Variants in NCLN observed in about 807,000 individuals in gnomAD.
The protein encoded by NCLN is nicalin, also known as BOS complex subunit NCLN.
In NCLN, 34 loss-of-function variants were observed where a neutral mutation model predicts 69.5. The ratio of observed to expected loss-of-function variants is 0.49; its 90% confidence interval spans 0.37 to 0.65. NCLN has a LOEUF of 0.65. Among genes scored for constraint, NCLN ranks in the 30% least tolerant of loss-of-function variants. The pLI is 0.00. For synonymous variants in NCLN, 393 were observed against 358.3 expected, an observed-to-expected ratio of 1.10 and a Z score of -1.09; for missense variants, 710 against 804.8, an observed-to-expected ratio of 0.88 and a Z score of 1.42.
In NCLN at chr19:3,207,182, A is replaced by T; in HGVS notation, c.1500-16A>T. 1 of 1,613,456 alleles carries T rather than the reference A, an allele frequency of 6.2e-7. No homozygotes were observed. Among genetic ancestry groups the T allele is most frequent in the Middle Eastern group, 1.6e-4 (1 of 6,062 alleles). On this transcript the variant is annotated splice_polypyrimidine_tract_variant and intron_variant, in intron 12 of 14. Transcript: ENST00000246117. The stretch of plus-strand genomic sequence containing the variant: ...TGGGCGCAGTGGTGCCCCCTGAGAA[A>T]GTGCTCTCTCCCCAGGGACCCAGAG...
intron 1 of NCLN, among the ~76,000 whole-genome samples, chr19:3,191,866 G>T (rs956954277): frequency 7.0e-6 from 1 of 143,830 alleles, no homozygotes; most frequent in Non-Finnish European, 1.5e-5. Flanking sequence ...GGGAAGTGTG[G>T]GTTTCTCCCA....
At chr19:3,200,599 C>T (rs1035448131) in intron 5 of NCLN, among the ~76,000 whole-genome samples, 1 of 152,208 alleles carries the variant, frequency 6.6e-6, no homozygotes, top group African/African-American at 2.4e-5. Flanking sequence ...CGTGAGCCAC[C>T]GAGCCCAGGC....
At chr19:3,194,596 GTT>G (rs1915910014) in intron 3 of NCLN, among the ~76,000 whole-genome samples, 2 of 152,230 alleles carry the variant, frequency 1.3e-5, no homozygotes, top group East Asian at 1.9e-4. Context: ...AGCCGAAAGT[GTT>G]ATCTGATCCT....
Position 3,193,358 on chromosome 19 carries a change from G to A in NCLN, c.450G>A (p.Glu150=), listed in dbSNP as rs1426942417. Residue 150 remains glutamate, a synonymous_variant, in exon 3 of 15, where the codon GAG becomes GAA. Transcript: ENST00000246117. ...AVPVYFAVED[E]ALLSIYKQTQ... is the part of the protein sequence containing the mutation. ...CCGTGTACTTTGCCGTGGAGGACGA[G>A]GCCCTGCTGTCTATCTACAAGCAGA... The A allele has an allele frequency of 1.9e-6, 3 of 1,612,576 alleles. No homozygotes were observed. The highest frequency in any genetic ancestry group is 1.1e-5 in the South Asian group (1 of 91,094).
chr19:3,190,560 G>A (rs1915793163), intron 1 of NCLN, among the ~76,000 whole-genome samples: 2 of 152,176 alleles, frequency 1.3e-5, no homozygotes, highest in South Asian at 2.1e-4. Context: ...GAGGCTCAGC[G>A]CAGGCCCCGG....
chr19:3,198,774 GC>G, intron 4 of NCLN, 42 bp from the exon 5 acceptor site: 2 of 1,527,304 alleles, frequency 1.3e-6, no homozygotes, highest in African/African-American at 1.4e-5. Context: ...CGGGTCACCT[GC>G]CCCAGGAACA....
rs902813202 is a variant in NCLN, at chr19:3,206,210, G to A, written c.1335+20G>A. Reference sequence around the variant, plus strand: ...CAGATGGTAAGGGGGCCAGGCCAGTGGGTGGGTGGGTGGGCGGGGCCAGGC... The same window carrying A: ...CAGATGGTAAGGGGGCCAGGCCAGTAGGTGGGTGGGTGGGCGGGGCCAGGC... On this transcript the variant is annotated intron_variant, in intron 11 of 14. Coordinates refer to ENST00000246117, the MANE Select transcript of NCLN (RefSeq NM_020170.4). 7.5e-7 allele frequency: 1 copy of A among 1,325,708 alleles called. No individual in the cohort carries two copies. Among genetic ancestry groups the A allele is most frequent in the African/African-American group, 1.5e-5 (1 of 68,732 alleles). The allele number at this position is 1,325,708 out of a possible 1,614,324, so 82.1% of individuals were successfully genotyped here.
intron 5 of NCLN, among the ~76,000 whole-genome samples, chr19:3,199,221 G>A (rs1452273390): frequency 6.6e-6 from 1 of 152,272 alleles, no homozygotes. Context: ...CGAGGCTGTG[G>A]TTTGTCCCAG....
At position 3,207,372 on chromosome 19, in the gene NCLN, G is replaced by A; in HGVS notation, c.1554-19G>A. 1 of 1,613,042 alleles carries A rather than the reference G, an allele frequency of 6.2e-7. No individual in the cohort carries two copies. Among genetic ancestry groups the A allele is most frequent in the Non-Finnish European group, 8.5e-7 (1 of 1,179,952 alleles). Reference sequence around the variant, plus strand: ...GCCGCGCACCATCCTCGACCTCAGGGACCCTGCTTTCTCCACAGAGTCAAG... The same window carrying A: ...GCCGCGCACCATCCTCGACCTCAGGAACCCTGCTTTCTCCACAGAGTCAAG... On this transcript the variant is annotated intron_variant, in intron 13 of 14. Coordinates refer to ENST00000246117, the MANE Select transcript of NCLN (RefSeq NM_020170.4).
At chr19:3,196,130 CT>C in intron 3 of NCLN, 52 bp from the exon 4 acceptor site, 1 of 1,391,334 alleles carries the variant, frequency 7.2e-7, no homozygotes, top group Non-Finnish European at 9.8e-7. Context: ...GGGATGCCCC[CT>C]GGCTGGGGCC....
chr19:3,204,234 C>A, intron 8 of NCLN, 90 bp downstream of exon 8: 1 of 1,392,492 alleles, frequency 7.2e-7, no homozygotes, highest in Non-Finnish European at 9.4e-7. Flanking sequence ...GGTGTCCTTG[C>A]TGTCCGCCCC....
intron 3 of NCLN, among the ~76,000 whole-genome samples, chr19:3,194,564 G>A (rs1175480987): frequency 6.6e-6 from 1 of 152,214 alleles, no homozygotes; most frequent in Non-Finnish European, 1.5e-5. Flanking sequence ...CGTGGCTGCG[G>A]CAGAGACCAT....
In NCLN at chr19:3,198,423, C is replaced by T. The variant is rs890102761; in HGVS notation, c.616-394C>T. ...TCTGGAGGCCGAGGCAGGAGAATGGCGTGAACCCGGGAGGTGGAGCTTGCA... is the reference window on the plus strand; with the variant it reads ...TCTGGAGGCCGAGGCAGGAGAATGGTGTGAACCCGGGAGGTGGAGCTTGCA... On this transcript the variant is annotated intron_variant, in intron 4 of 14. Transcript: ENST00000246117. Among the ~76,000 whole-genome samples the T allele has an allele frequency of 8.7e-5, 13 of 150,202 alleles. No individual in the cohort carries two copies. The East Asian group carries it at 1.2e-3, about 14-fold the overall frequency.
At chr19:3,196,925 G>A (rs970596391) in intron 4 of NCLN, among the ~76,000 whole-genome samples, 3 of 152,240 alleles carry the variant, frequency 2.0e-5, no homozygotes, top group Admixed American at 6.5e-5. Context: ...CCTCACTGTC[G>A]GGGGAGCCCT....
In NCLN at chr19:3,196,268, C is replaced by T. The variant is rs1223659644; in HGVS notation, c.606C>T (p.Ala202=). The change falls in exon 4 of 15, where the codon GCC becomes GCT. Residue 202 remains alanine (A), a synonymous_variant. Transcript: ENST00000246117. ...QSKAVSDWLI[A]SVEGRLTGLG... ...AGGCCGTGAGTGACTGGCTGATTGCCAGCGTGGAGGTGAGTGCCGCCTGCC... is the reference window on the plus strand; with the variant it reads ...AGGCCGTGAGTGACTGGCTGATTGCTAGCGTGGAGGTGAGTGCCGCCTGCC... 3.2e-6 allele frequency: 5 copies of T among 1,548,774 alleles called. No individual in the cohort carries two copies. The East Asian group carries it at 9.8e-5, about 30-fold the overall frequency.
intron 14 of NCLN, 39 bp from the exon 15 acceptor site, chr19:3,207,589 GC>G (rs758516913): frequency 2.5e-6 from 4 of 1,611,130 alleles, no homozygotes; most frequent in South Asian, 1.1e-5. Context: ...TGGGGCTCTG[GC>G]CCCGCCCACA....
chr19:3,201,384 C>T, intron 5 of NCLN, 139 bp from the exon 6 acceptor site: 1 of 631,812 alleles, frequency 1.6e-6, no homozygotes, highest in South Asian at 1.9e-5. Context: ...ATGACCGTGG[C>T]TGCTGTGGGC....
At chr19:3,188,078 C>T (rs1310827982) in intron 1 of NCLN, among the ~76,000 whole-genome samples, 3 of 152,066 alleles carry the variant, frequency 2.0e-5, no homozygotes, top group Admixed American at 6.5e-5. Flanking sequence ...TAGCGGCTTC[C>T]GTGGGGTTTC....
chr19:3,193,325 C>A lies in NCLN; in HGVS notation c.417C>A (p.Thr139=), dbSNP rs137943426. ...AGCCGGAGATGCTGGCCATGGAGAC[C>A]GCCGTCCCCGTGTACTTTGCCGTGG... ...EIEPEMLAME[T]AVPVYFAVED... The change falls in exon 3 of 15, where the codon ACC becomes ACA. Residue 139 remains threonine, a synonymous_variant. Transcript: ENST00000246117. 288 of 1,613,056 alleles carry A rather than the reference C, an allele frequency of 1.8e-4. 1 individual carries two copies. In the African/African-American group the frequency reaches 2.9e-3, roughly 16 times the overall value.
Sources: allele counts gnomAD v4.1 joint callset (sites outside exome capture counted in the v4.1 genomes callset), GRCh38; gene constraint gnomAD v4.1.1; transcripts MANE v1.5; gene names NCBI Gene and HGNC (gene_info 2026-07-23, HGNC 2026-07-21).